The following SOX14 variants were observed in gnomAD, a reference collection of about 807,000 sequenced individuals.
SOX14 encodes transcription factor SOX-14.
In SOX14, 5 loss-of-function variants were observed where a neutral mutation model predicts 14.8. The observed-to-expected ratio is 0.34, with a 90% confidence interval of 0.18 to 0.71. SOX14 has a LOEUF of 0.71. Among genes scored for constraint, SOX14 ranks in the 30% least tolerant of loss-of-function variants. The pLI is 0.64. For missense variants in SOX14, 270 were observed against 329.7 expected, an observed-to-expected ratio of 0.82 and a Z score of 1.40; for synonymous variants, 164 against 146.3, an observed-to-expected ratio of 1.12 and a Z score of -0.87.
rs527512541 is a variant in SOX14 at position 137,766,261 on chromosome 3, G to A, written c.*754G>A. The A allele has an allele frequency of 6.6e-6, 1 of 152,314 alleles. No homozygotes were observed. The highest frequency in any genetic ancestry group is 6.5e-5 in the Admixed American group (1 of 15,302). The allele number at this position is 152,314 out of a possible 1,614,324, so 9.4% of individuals were successfully genotyped here. The stretch of plus-strand genomic sequence containing the variant: ...GATGTCTTGGAAATGTACCTAGAAG[G>A]ATTTTACCTCGTTGCTCTGTTCATT... On this transcript the variant is annotated 3_prime_UTR_variant, in exon 1 of 1. Transcript: ENST00000306087.
In SOX14 at chr3:137,765,194, C is replaced by G; in HGVS notation, c.410C>G (p.Ser137Cys). 1.2e-6 allele frequency: 2 copies of G among 1,612,612 alleles called. No homozygotes were observed. The highest frequency in any genetic ancestry group is 1.7e-6 in the Non-Finnish European group (2 of 1,179,466). ...TTGCCGCCGGCCTCGGCGCCCTACT[C>G]CCTGCTGGACCCCGCGCAGTTTAGC... The part of the protein sequence containing the change: ...AFLPPASAPY[S>C]LLDPAQFSSS... Residue 137 changes from serine (S) to cysteine (C), a missense_variant, in exon 1 of 1, where the codon TCC (serine) becomes TGC (cysteine). Ser to Cys is a moderately radical substitution (Grantham distance 112). This residue lies in a region of SOX14 where 207 missense variants were observed against 210.9 expected (regional missense o/e 0.98). Coordinates refer to ENST00000306087, the MANE Select transcript of SOX14 (RefSeq NM_004189.4).
At position 137,764,811 on chromosome 3, in the gene SOX14, G is replaced by A; in HGVS notation, c.27G>A (p.Lys9=). ...TGTCCAAACCTTCAGACCACATCAA[G>A]CGGCCCATGAACGCCTTCATGGTAT... MSKPSDHI[K]RPMNAFMVWS... is the part of the protein sequence containing the mutation. Residue 9 remains lysine, a synonymous_variant, in exon 1 of 1, where the codon AAG becomes AAA. Coordinates refer to ENST00000306087, the MANE Select transcript of SOX14 (RefSeq NM_004189.4). 3 of 1,614,176 alleles carry A rather than the reference G, an allele frequency of 1.9e-6. No individual in the cohort carries two copies. Among genetic ancestry groups the A allele is most frequent in the Admixed American group, 1.7e-5 (1 of 60,024 alleles).
At position 137,765,597 on chromosome 3, in the gene SOX14, G is replaced by C. The variant is rs940203233; in HGVS notation, c.*90G>C. The C allele has an allele frequency of 1.4e-6, 2 of 1,477,268 alleles. No homozygotes were observed. The highest frequency in any genetic ancestry group is 2.3e-5 in the East Asian group (1 of 42,698). 91.5% of individuals were successfully genotyped at this position (1,477,268 alleles called of 1,614,324 possible). On this transcript the variant is annotated 3_prime_UTR_variant, in exon 1 of 1. Transcript: ENST00000306087. ...CTAGCCCCGGCCTGCAGACGCCTCC[G>C]GGGTCAGCCCTGCCGCTGTCCCTTA...
chr3:137,765,193 T>C lies in SOX14; in HGVS notation c.409T>C (p.Ser137Pro), dbSNP rs1204939114. ...CTTGCCGCCGGCCTCGGCGCCCTAC[T>C]CCCTGCTGGACCCCGCGCAGTTTAG... ...AFLPPASAPY[S>P]LLDPAQFSSS... The change falls in exon 1 of 1, where the codon TCC becomes CCC. Residue 137 changes from serine to proline, a missense_variant. By Grantham distance (74) the Ser-to-Pro change is moderately conservative. Coordinates refer to ENST00000306087, the MANE Select transcript of SOX14 (RefSeq NM_004189.4). 1.9e-6 allele frequency: 3 copies of C among 1,612,514 alleles called. No homozygotes were observed. The East Asian group carries it at 6.7e-5, about 36-fold the overall frequency.
rs201718 is a variant in SOX14 at position 137,764,520 on chromosome 3, G to T, written c.-265G>T. On this transcript the variant is annotated 5_prime_UTR_variant, in exon 1 of 1. Coordinates refer to ENST00000306087, the MANE Select transcript of SOX14 (RefSeq NM_004189.4). ...CGATACTTGGGTCCCAGCCCCTGGT[G>T]CCTGAAGCCCCCCGGCCGATCGCCC... is the stretch of plus-strand genomic sequence containing the variant. The T allele has an allele frequency of 0.42, 130,108 of 307,942 alleles. 33,363 individuals carry two copies. Among genetic ancestry groups the T allele is most frequent in the East Asian group, 0.72 (8,584 of 11,882 alleles). The allele number at this position is 307,942 out of a possible 1,614,324, so 19.1% of individuals were successfully genotyped here. A position where few individuals can be genotyped will look rare whatever the true frequency, so the allele number is the denominator to read the frequency against.
Position 137,765,170 on chromosome 3 carries a change from T to C in SOX14, c.386T>C (p.Leu129Ser). 1 of 1,612,904 alleles carries C rather than the reference T, an allele frequency of 6.2e-7. No homozygotes were observed. The highest frequency in any genetic ancestry group is 1.7e-5 in the Admixed American group (1 of 59,952). Reference protein sequence around the residue: ...LSAPEKARAFLPPASAPYSLL... With the variant: ...LSAPEKARAFSPPASAPYSLL... Reference sequence around the variant, plus strand: ...GCGCCCGAGAAAGCCCGGGCCTTCTTGCCGCCGGCCTCGGCGCCCTACTCC... The same window carrying C: ...GCGCCCGAGAAAGCCCGGGCCTTCTCGCCGCCGGCCTCGGCGCCCTACTCC... Residue 129 changes from leucine (L) to serine (S), a missense_variant, in exon 1 of 1, where the codon TTG (leucine) becomes TCG (serine). Physicochemically the swap from Leu to Ser is moderately radical, Grantham distance 145 (BLOSUM62 -2). Coordinates refer to ENST00000306087, the MANE Select transcript of SOX14 (RefSeq NM_004189.4).
Position 137,764,561 on chromosome 3 carries a change from T to A in SOX14, c.-224T>A. ...CCGATCGCCCTCTCCTCCCCCGCCC[T>A]TTCTGCCCCCACTCGCTCCCCCGGG... On this transcript the variant is annotated 5_prime_UTR_variant, in exon 1 of 1. Transcript: ENST00000306087. The A allele has an allele frequency of 1.6e-3, 40 of 24,660 alleles. No individual in the cohort carries two copies. The highest frequency in any genetic ancestry group is 3.8e-3 in the East Asian group (4 of 1,050). 1.5% of individuals were successfully genotyped at this position (24,660 alleles called of 1,614,324 possible).
rs1446089509 is a variant in SOX14 at position 137,766,074 on chromosome 3, A to G, written c.*567A>G. 1 of 152,304 alleles carries G rather than the reference A, an allele frequency of 6.6e-6. No homozygotes were observed. Among genetic ancestry groups the G allele is most frequent in the Non-Finnish European group, 1.5e-5 (1 of 68,088 alleles). 9.4% of individuals were successfully genotyped at this position (152,304 alleles called of 1,614,324 possible). On this transcript the variant is annotated 3_prime_UTR_variant, in exon 1 of 1. Transcript: ENST00000306087. ...GATAGTGTTTGCTTCTTTAAAGGGA[A>G]AACAAAAAGGACCTACATGGTTATT...
Position 137,764,647 on chromosome 3 carries a change from T to A in SOX14, c.-138T>A. 1 of 1,109,590 alleles carries A rather than the reference T, an allele frequency of 9.0e-7. No individual in the cohort carries two copies. Among genetic ancestry groups the A allele is most frequent in the Non-Finnish European group, 1.3e-6 (1 of 781,764 alleles). The allele number at this position is 1,109,590 out of a possible 1,614,324, so 68.7% of individuals were successfully genotyped here. A position where few individuals can be genotyped will look rare whatever the true frequency, so the allele number is the denominator to read the frequency against. ...ACTTTGTGGGGTCAGCGCTTCTCTC[T>A]GGCTTCCCCTCAGCGGCGCCAAGGC... On this transcript the variant is annotated 5_prime_UTR_variant, in exon 1 of 1. Transcript: ENST00000306087.
rs1939232014 is a variant in SOX14, at chr3:137,765,675, C to G, written c.*168C>G. 5 of 866,090 alleles carry G rather than the reference C, an allele frequency of 5.8e-6. No homozygotes were observed. Among genetic ancestry groups the G allele is most frequent in the Non-Finnish European group, 8.3e-6 (5 of 599,024 alleles). The allele number at this position is 866,090 out of a possible 1,614,324, so 53.7% of individuals were successfully genotyped here. ...CAGGGGGAAGGGTGGGGCGTCCTCC[C>G]GGACCCAAGGCGCAGACAGGTACCG... On this transcript the variant is annotated 3_prime_UTR_variant, in exon 1 of 1. Transcript: ENST00000306087.
chr3:137,764,857 A>C lies in SOX14; in HGVS notation c.73A>C (p.Lys25Gln), dbSNP rs1217714815. The C allele has an allele frequency of 6.2e-7, 1 of 1,614,208 alleles. No homozygotes were observed. The highest frequency in any genetic ancestry group is 2.2e-5 in the East Asian group (1 of 44,862). Residue 25 changes from lysine (K) to glutamine (Q), a missense_variant, in exon 1 of 1, where the codon AAG becomes CAG. Physicochemically the swap from Lys to Gln is moderately conservative, Grantham distance 53. Transcript: ENST00000306087. ...FMVWSRGQRR[K>Q]MAQENPKMHN... ...GGTATGGTCCCGGGGCCAGCGGCGC[A>C]AGATGGCCCAGGAAAACCCCAAGAT...
Position 137,764,637 on chromosome 3 carries a change from C to A in SOX14, c.-148C>A, listed in dbSNP as rs1339766029. On this transcript the variant is annotated 5_prime_UTR_variant, in exon 1 of 1. Coordinates refer to ENST00000306087, the MANE Select transcript of SOX14 (RefSeq NM_004189.4). Reference sequence around the variant, plus strand: ...GATCAGCTGAACTTTGTGGGGTCAGCGCTTCTCTCTGGCTTCCCCTCAGCG... The same window carrying A: ...GATCAGCTGAACTTTGTGGGGTCAGAGCTTCTCTCTGGCTTCCCCTCAGCG... 12 of 1,011,864 alleles carry A rather than the reference C, an allele frequency of 1.2e-5. No individual in the cohort carries two copies. Among genetic ancestry groups the A allele is most frequent in the African/African-American group, 3.3e-5 (2 of 60,884 alleles). 62.7% of individuals were successfully genotyped at this position (1,011,864 alleles called of 1,614,324 possible).
At position 137,764,399 on chromosome 3, in the gene SOX14, A is replaced by T. The variant is rs964314716; in HGVS notation, c.-386A>T. The T allele has an allele frequency of 3.3e-5, 6 of 183,818 alleles. No homozygotes were observed. The highest frequency in any genetic ancestry group is 1.4e-4 in the African/African-American group (6 of 42,080). 11.4% of individuals were successfully genotyped at this position (183,818 alleles called of 1,614,324 possible). A position where few individuals can be genotyped will look rare whatever the true frequency, so the allele number is the denominator to read the frequency against. On this transcript the variant is annotated 5_prime_UTR_variant, in exon 1 of 1. Coordinates refer to ENST00000306087, the MANE Select transcript of SOX14 (RefSeq NM_004189.4). ...GCCACGACTGGAAACGCAAGAGGAG[A>T]GAAGGGAACTAGAGAAGGCAAAGGT...
rs1939207964 is a variant in SOX14, at chr3:137,764,608, G to C, written c.-177G>C. 1 of 725,472 alleles carries C rather than the reference G, an allele frequency of 1.4e-6. No homozygotes were observed. Among genetic ancestry groups the C allele is most frequent in the South Asian group, 2.3e-5 (1 of 43,768 alleles). The allele number at this position is 725,472 out of a possible 1,614,324, so 44.9% of individuals were successfully genotyped here. ...CGGGGCTGCCTGGGCGCTGGGACTG[G>C]CATGATCAGCTGAACTTTGTGGGGT... On this transcript the variant is annotated 5_prime_UTR_variant, in exon 1 of 1. Coordinates refer to ENST00000306087, the MANE Select transcript of SOX14 (RefSeq NM_004189.4).
rs1417970974 is a variant in SOX14, at chr3:137,765,288, C to T, written c.504C>T (p.Ser168=). Residue 168 remains serine, a synonymous_variant, in exon 1 of 1, where the codon TCC becomes TCT. Coordinates refer to ENST00000306087, the MANE Select transcript of SOX14 (RefSeq NM_004189.4). ...CTACCGGCGCTCTGCCCTACGCGTC[C>T]ACCCTGGGCTACCAGAACGGCGCCT... ...TLATGALPYA[S]TLGYQNGAFG... is the part of the protein sequence containing the mutation. 1.9e-6 allele frequency: 3 copies of T among 1,583,718 alleles called. No individual in the cohort carries two copies. In the Admixed American group the frequency reaches 5.4e-5, roughly 29 times the overall value.
rs754648883 is a variant in SOX14 at position 137,765,314 on chromosome 3, T to G, written c.530T>G (p.Phe177Cys). Residue 177 changes from phenylalanine to cysteine, a missense_variant, in exon 1 of 1, where the codon TTC becomes TGC. Physicochemically the swap from Phe to Cys is radical, Grantham distance 205. Transcript: ENST00000306087. The stretch of plus-strand genomic sequence containing the variant: ...ACCCTGGGCTACCAGAACGGCGCCT[T>G]CGGCAGCCTCAGCTGCCCCAGCCAG... Reference protein sequence around the residue: ...ASTLGYQNGAFGSLSCPSQHT... With the variant: ...ASTLGYQNGACGSLSCPSQHT... 1.9e-6 allele frequency: 3 copies of G among 1,581,736 alleles called. No individual in the cohort carries two copies. Among genetic ancestry groups the G allele is most frequent in the Non-Finnish European group, 1.7e-6 (2 of 1,164,874 alleles).
rs1262277990 is a variant in SOX14, at chr3:137,766,259, A to C, written c.*752A>C. The stretch of plus-strand genomic sequence containing the variant: ...ACGATGTCTTGGAAATGTACCTAGA[A>C]GGATTTTACCTCGTTGCTCTGTTCA... On this transcript the variant is annotated 3_prime_UTR_variant, in exon 1 of 1. Transcript: ENST00000306087. The C allele has an allele frequency of 6.6e-6, 1 of 152,272 alleles. No individual in the cohort carries two copies. Among genetic ancestry groups the C allele is most frequent in the African/African-American group, 2.4e-5 (1 of 41,472 alleles). 9.4% of individuals were successfully genotyped at this position (152,272 alleles called of 1,614,324 possible).
chr3:137,765,498 G>T lies in SOX14; in HGVS notation c.714G>T (p.Thr238=), dbSNP rs767050969. 1 of 1,600,944 alleles carries T rather than the reference G, an allele frequency of 6.2e-7. No individual in the cohort carries two copies. Among genetic ancestry groups the T allele is most frequent in the South Asian group, 1.1e-5 (1 of 89,214 alleles). The change falls in exon 1 of 1, where the codon ACG becomes ACT. Residue 238 remains threonine (T), a synonymous_variant. Transcript: ENST00000306087. ...GIDPYSSAHA[T]AM ...ACCCTTATTCGTCAGCCCACGCTAC[G>T]GCCATGTAACCCCCAGCCCGGCCCG...
chr3:137,764,571 C>T lies in SOX14; in HGVS notation c.-214C>T, dbSNP rs1939207337. On this transcript the variant is annotated 5_prime_UTR_variant, in exon 1 of 1. Coordinates refer to ENST00000306087, the MANE Select transcript of SOX14 (RefSeq NM_004189.4). ...TCTCCTCCCCCGCCCTTTCTGCCCC[C>T]ACTCGCTCCCCCGGGGCTGCCTGGG... 5.0e-6 allele frequency: 2 copies of T among 402,322 alleles called. No homozygotes were observed. The highest frequency in any genetic ancestry group is 9.0e-5 in the Admixed American group (2 of 22,224). 24.9% of individuals were successfully genotyped at this position (402,322 alleles called of 1,614,324 possible). A position where few individuals can be genotyped will look rare whatever the true frequency, so the allele number is the denominator to read the frequency against.
Sources: gnomAD v4.1 joint callset for allele counts on GRCh38, gnomAD v4.1.1 for gene constraint, gnomAD v4.1.1 regional missense constraint, MANE v1.5 for transcripts, NCBI Gene and HGNC (gene_info 2026-07-23, HGNC 2026-07-21) for gene names.